The following SBF2 variants were observed in gnomAD, a reference collection of about 807,000 sequenced individuals.
SBF2 encodes the protein SET binding factor 2, also known as myotubularin-related protein 13.
SBF2 carries 112 observed loss-of-function variants against 225.2 expected under a neutral mutation model. The ratio of observed to expected loss-of-function variants is 0.50; its 90% confidence interval spans 0.43 to 0.58. SBF2 has a LOEUF of 0.58. Among genes scored for constraint, SBF2 ranks in the 20% least tolerant of loss-of-function variants. The pLI is 0.00. For missense variants in SBF2, 1,996 were observed against 2,206.2 expected (o/e 0.90, Z 1.91); for synonymous variants, 763 against 773.3 (o/e 0.99, Z 0.22).
chr11:10,204,317 A>G, intron 1 of SBF2, among the ~76,000 whole-genome samples: 1 of 151,906 alleles, frequency 6.6e-6, no homozygotes, highest in Non-Finnish European at 1.5e-5. Context: ...GAGTATATCT[A>G]TATAATCGAA....
At chr11:9,980,788 G>C (rs1277355535) in intron 13 of SBF2, among the ~76,000 whole-genome samples, 4 of 149,806 alleles carry the variant, frequency 2.7e-5, no homozygotes, top group Non-Finnish European at 5.9e-5. Context: ...CTGTGGTCTC[G>C]ATCTCCTGAC....
At chr11:10,230,090 T>A (rs996914220) in intron 1 of SBF2, among the ~76,000 whole-genome samples, 2 of 152,196 alleles carry the variant, frequency 1.3e-5, no homozygotes, top group African/African-American at 4.8e-5. Context: ...TCTCTTTTGA[T>A]CTTTGTTGGT....
At chr11:9,922,040 G>A (rs529140294) in intron 16 of SBF2, among the ~76,000 whole-genome samples, 43 of 152,194 alleles carry the variant, frequency 2.8e-4, no homozygotes, top group Middle Eastern at 3.4e-3. Context: ...GAGCCCAGGC[G>A]TTTTAAGACC....
chr11:9,942,531 A>G (rs1865315494), intron 16 of SBF2, among the ~76,000 whole-genome samples: 1 of 152,244 alleles, frequency 6.6e-6, no homozygotes, highest in Non-Finnish European at 1.5e-5. Flanking sequence ...TGATATGGAA[A>G]CACAAGGGGA....
chr11:9,916,265 C>T (rs566804863), intron 16 of SBF2, among the ~76,000 whole-genome samples: 1 of 152,210 alleles, frequency 6.6e-6, no homozygotes, highest in African/African-American at 2.4e-5. Context: ...AAAAGCTTAG[C>T]TAGCTCTCAG....
chr11:10,083,280 T>C (rs1590918846), intron 2 of SBF2, among the ~76,000 whole-genome samples: 1 of 152,110 alleles, frequency 6.6e-6, no homozygotes, highest in Middle Eastern at 3.2e-3. Context: ...ATTTGAAGAA[T>C]CAATATCATT....
At chr11:10,100,863 C>G (rs1952268430) in intron 2 of SBF2, among the ~76,000 whole-genome samples, 1 of 152,194 alleles carries the variant, frequency 6.6e-6, no homozygotes, top group Non-Finnish European at 1.5e-5. Flanking sequence ...TGTCTTGGTT[C>G]AGCCCCTTTG....
intron 28 of SBF2, 117 bp downstream of exon 28, chr11:9,829,239 T>C (rs1264492286): frequency 2.3e-5 from 28 of 1,221,800 alleles, no homozygotes; most frequent in African/African-American, 4.5e-5. Flanking sequence ...GGTAAAACTT[T>C]TAAGAAGTCT....
At chr11:10,231,854 G>A (rs952111720) in intron 1 of SBF2, among the ~76,000 whole-genome samples, 1 of 152,204 alleles carries the variant, frequency 6.6e-6, no homozygotes, top group African/African-American at 2.4e-5. Flanking sequence ...GGGACATTTA[G>A]GTCTGCAGAG....
At chr11:10,009,718 A>G (rs1287220005) in intron 6 of SBF2, among the ~76,000 whole-genome samples, 1 of 152,246 alleles carries the variant, frequency 6.6e-6, no homozygotes, top group East Asian at 1.9e-4. Flanking sequence ...TGCAATAAAC[A>G]TACGTGTGCA....
chr11:10,217,500 A>T (rs996110156), intron 1 of SBF2, among the ~76,000 whole-genome samples: 1 of 152,230 alleles, frequency 6.6e-6, no homozygotes, highest in Non-Finnish European at 1.5e-5. Context: ...CAAATCTGTG[A>T]TTACATACTT....
chr11:10,274,622 G>A (rs55919524), intron 1 of SBF2, among the ~76,000 whole-genome samples: 4,860 of 151,882 alleles, frequency 0.032, 232 homozygotes, highest in African/African-American at 0.1. Context: ...GTGGTGGTGG[G>A]CACCTGTAAT....
rs120074139 is a variant in SBF2, at chr11:9,968,482, G to T, written c.1459C>A (p.Arg487=). The T allele has an allele frequency of 1.9e-6, 3 of 1,613,860 alleles. No homozygotes were observed. The highest frequency in any genetic ancestry group is 1.1e-5 in the South Asian group (1 of 91,072). The change falls in exon 14 of 40, where the codon CGA becomes AGA. Residue 487 remains arginine, a synonymous_variant. Coordinates refer to ENST00000256190, the MANE Select transcript of SBF2 (RefSeq NM_030962.4). ...TCTGGGAAAGGAAGAATATGAACTC[G>T]CAAATGGGATCCTTCTGTTGGCCGT... ...VPRPTEGSHL[R]VHILPFPEIN...
Position 10,112,497 on chromosome 11 carries a change from G to T in SBF2, c.142-69516C>A, listed in dbSNP as rs556473095. 6.6e-5 allele frequency among the ~76,000 whole-genome samples: 10 copies of T among 152,334 alleles called. No homozygotes were observed. The South Asian group carries it at 2.1e-3, about 32-fold the overall frequency. ...ATGATTGTGAGGCCTCCCCAGCCAT[G>T]TGAAACTGTAAGTCCATTAAACTTC... is the stretch of plus-strand genomic sequence containing the variant. On this transcript the variant is annotated intron_variant, in intron 2 of 39. Coordinates refer to ENST00000256190, the MANE Select transcript of SBF2 (RefSeq NM_030962.4).
At chr11:10,168,805 T>C (rs912163120) in intron 2 of SBF2, among the ~76,000 whole-genome samples, 2 of 152,190 alleles carry the variant, frequency 1.3e-5, no homozygotes, top group African/African-American at 4.8e-5. Context: ...CTCATCTTTT[T>C]ATCAAAGCTC....
intron 2 of SBF2, among the ~76,000 whole-genome samples, chr11:10,066,332 ATATATC>A (rs1237114426): frequency 1.3e-5 from 2 of 150,722 alleles, no homozygotes; most frequent in South Asian, 2.1e-4. Context: ...CTATATATCT[ATATATC>A]TATATCTATA....
chr11:9,944,238 G>A (rs945625350), intron 16 of SBF2, among the ~76,000 whole-genome samples: 2 of 152,170 alleles, frequency 1.3e-5, no homozygotes, highest in Non-Finnish European at 2.9e-5. Flanking sequence ...CCAAATTCAG[G>A]ACAGTGGTTC....
chr11:9,892,173 C>T (rs189138555), intron 17 of SBF2, among the ~76,000 whole-genome samples: 2,397 of 152,192 alleles, frequency 0.016, 25 homozygotes, highest in South Asian at 0.035. Context: ...GGCTGGAGTG[C>T]AGTGGCGTGA....
chr11:10,227,311 A>G (rs1358087423), intron 1 of SBF2, among the ~76,000 whole-genome samples: 1 of 152,050 alleles, frequency 6.6e-6, no homozygotes, highest in African/African-American at 2.4e-5. Flanking sequence ...GCTGTGCAGA[A>G]GCTCTTTAGT....
Sources: allele counts gnomAD v4.1 joint callset (sites outside exome capture counted in the v4.1 genomes callset), GRCh38; gene constraint gnomAD v4.1.1; transcripts MANE v1.5; gene names NCBI Gene and HGNC (gene_info 2026-07-23, HGNC 2026-07-21).